Variants in HHAT observed in about 807,000 individuals in gnomAD.
The protein encoded by HHAT is protein-cysteine N-palmitoyltransferase HHAT.
In HHAT, 47 loss-of-function variants were observed where a neutral mutation model predicts 70.8. The ratio of observed to expected loss-of-function variants is 0.66; its 90% CI spans 0.53 to 0.85. The LOEUF is 0.85. HHAT is among the 40% of genes least tolerant of loss of function. HHAT has a pLI of 0.00. For synonymous variants in HHAT, 228 were observed against 247.6 expected (o/e 0.92, Z 0.74); for missense variants, 609 against 604.8 (o/e 1.01, Z -0.07).
intron 7 of HHAT, among the ~76,000 whole-genome samples, chr1:210,426,454 T>C (rs2093064689): frequency 2.0e-5 from 3 of 152,186 alleles, no homozygotes; most frequent in African/African-American, 4.8e-5. Flanking sequence ...ATTCGCCTAT[T>C]CAGTATGATG....
chr1:210,365,260 C>A (rs569947433), intron 3 of HHAT, among the ~76,000 whole-genome samples: 1 of 149,062 alleles, frequency 6.7e-6, no homozygotes, highest in East Asian at 2.0e-4. Context: ...CAGCCCATCC[C>A]TTGAATGTTA....
Position 210,456,322 on chromosome 1 carries a change from C to G in HHAT, c.857-8183C>G, listed in dbSNP as rs865805444. Reference sequence around the variant, plus strand: ...CTTTTTTCCCCTTTCTGTCTCCCCTCTCTCCCTGGTTTGGTCTTACTTACT... The same window carrying G: ...CTTTTTTCCCCTTTCTGTCTCCCCTGTCTCCCTGGTTTGGTCTTACTTACT... On this transcript the variant is annotated intron_variant, in intron 7 of 11. Transcript: ENST00000261458. Among the ~76,000 whole-genome samples the G allele has an allele frequency of 2.6e-5, 4 of 152,154 alleles. No homozygotes were observed. In the South Asian group the frequency reaches 8.3e-4, roughly 32 times the overall value.
chr1:210,655,680 T>G (rs943214855), intron 11 of HHAT, among the ~76,000 whole-genome samples: 1 of 152,130 alleles, frequency 6.6e-6, no homozygotes. Flanking sequence ...GTGGAAAAAA[T>G]GTATCTGAGT....
chr1:210,541,658 C>T (rs1456434232), intron 9 of HHAT, among the ~76,000 whole-genome samples: 4 of 152,124 alleles, frequency 2.6e-5, no homozygotes, highest in Admixed American at 1.3e-4. Context: ...ACCCGGGAGG[C>T]GGAGGTTGCA....
intron 8 of HHAT, among the ~76,000 whole-genome samples, chr1:210,475,359 G>C (rs946232435): frequency 2.6e-5 from 4 of 152,144 alleles, no homozygotes; most frequent in African/African-American, 9.7e-5. Context: ...AGACTTAGCA[G>C]TGCCAGCCAA....
intron 7 of HHAT, among the ~76,000 whole-genome samples, chr1:210,448,440 C>T (rs2093680125): frequency 6.6e-6 from 1 of 152,098 alleles, no homozygotes; most frequent in Admixed American, 6.5e-5. Context: ...GTTTATCAGT[C>T]TTAGCGTAAT....
chr1:210,570,591 C>T (rs1001272885), intron 9 of HHAT, among the ~76,000 whole-genome samples: 5 of 152,092 alleles, frequency 3.3e-5, no homozygotes, highest in African/African-American at 9.7e-5. Flanking sequence ...CCCAGGAGTG[C>T]GTGTGGAGTG....
chr1:210,401,522 T>G (rs2092073942), intron 5 of HHAT, among the ~76,000 whole-genome samples: 1 of 152,262 alleles, frequency 6.6e-6, no homozygotes, highest in Non-Finnish European at 1.5e-5. Context: ...CTTTCATTTC[T>G]GTAAACCCAG....
chr1:210,526,944 A>G (rs902374551), intron 9 of HHAT, among the ~76,000 whole-genome samples: 3 of 152,146 alleles, frequency 2.0e-5, no homozygotes, highest in Non-Finnish European at 2.9e-5. Flanking sequence ...ACACTAGGAT[A>G]ATATTTTGTC....
chr1:210,385,084 T>C (rs1242114751), intron 3 of HHAT, among the ~76,000 whole-genome samples: 1 of 152,170 alleles, frequency 6.6e-6, no homozygotes, highest in Non-Finnish European at 1.5e-5. Flanking sequence ...TCCTGGACTT[T>C]CTGGTGGAAC....
At chr1:210,571,249 C>A (rs1468361159) in intron 9 of HHAT, among the ~76,000 whole-genome samples, 3 of 152,174 alleles carry the variant, frequency 2.0e-5, no homozygotes, top group African/African-American at 7.2e-5. Context: ...GAGACCCAGA[C>A]CTGCTGATTT....
In HHAT at chr1:210,485,782, G is replaced by T. The variant is rs568703445; in HGVS notation, c.1007+21127G>T. Among the ~76,000 whole-genome samples, 6 of 152,180 alleles carry T rather than the reference G, an allele frequency of 3.9e-5. No homozygotes were observed. In the East Asian group the frequency reaches 1.2e-3, roughly 29 times the overall value. ...TCACCACCATAAGAACAGTATGGGG[G>T]AAACTGCCCTCATGATTCAATTTTC... On this transcript the variant is annotated intron_variant, in intron 8 of 11. Transcript: ENST00000261458.
intron 3 of HHAT, among the ~76,000 whole-genome samples, chr1:210,385,694 C>CTT (rs1168999474): frequency 6.6e-6 from 1 of 152,064 alleles, no homozygotes; most frequent in Non-Finnish European, 1.5e-5. Flanking sequence ...AATGGGAAAA[C>CTT]TTTTTTAAAA....
At chr1:210,474,207 G>T (rs2094260280) in intron 8 of HHAT, among the ~76,000 whole-genome samples, 1 of 152,146 alleles carries the variant, frequency 6.6e-6, no homozygotes, top group Non-Finnish European at 1.5e-5. Flanking sequence ...CTGGCACATA[G>T]TAGGCACTTA....
intron 11 of HHAT, among the ~76,000 whole-genome samples, chr1:210,640,843 G>A (rs1672844182): frequency 6.6e-6 from 1 of 152,152 alleles, no homozygotes; most frequent in African/African-American, 2.4e-5. Context: ...GGTTTGCAAA[G>A]CACATTTATT....
intron 8 of HHAT, among the ~76,000 whole-genome samples, chr1:210,496,679 TTAGC>T (rs1417694659): frequency 6.6e-6 from 1 of 152,202 alleles, no homozygotes; most frequent in Non-Finnish European, 1.5e-5. Context: ...GAGGTGTACA[TTAGC>T]TAGCAGAAGC....
chr1:210,397,344 C>T (rs542919328), intron 4 of HHAT, among the ~76,000 whole-genome samples: 2 of 152,260 alleles, frequency 1.3e-5, no homozygotes, highest in Non-Finnish European at 2.9e-5. Context: ...ACAAGTAATT[C>T]CCAATCATCT....
intron 10 of HHAT, among the ~76,000 whole-genome samples, chr1:210,596,036 C>T (rs1223998237): frequency 6.6e-6 from 1 of 152,116 alleles, no homozygotes; most frequent in Non-Finnish European, 1.5e-5. Context: ...GACATGAAGT[C>T]CTTGCCCATG....
intron 3 of HHAT, among the ~76,000 whole-genome samples, chr1:210,363,492 G>A (rs761230676): frequency 7.9e-5 from 12 of 152,182 alleles, no homozygotes; most frequent in Non-Finnish European, 1.6e-4. Context: ...CTGTGCTAGA[G>A]TATATATTCT....
Sources: gnomAD v4.1 joint callset for allele counts (sites outside exome capture counted in the v4.1 genomes callset) on GRCh38, gnomAD v4.1.1 for gene constraint, MANE v1.5 for transcripts, NCBI Gene and HGNC (gene_info 2026-07-23, HGNC 2026-07-21) for gene names.